ZNF254: variants seen among roughly 807,000 people sequenced by gnomAD.
ZNF254 encodes the protein CTD-2017D11.1.
A neutral mutation model predicts 12.4 loss-of-function variants in ZNF254; 10 were observed. That is an observed-to-expected ratio of 0.80 (90% CI 0.50 to 1.36). The LOEUF is 1.36. Among genes scored for constraint, ZNF254 ranks in the 40% most tolerant of loss-of-function variants. The pLI, the probability that ZNF254 is intolerant of heterozygous loss-of-function variation, is 0.00. For missense variants in ZNF254, 996 were observed against 763.9 expected (o/e 1.30, Z -3.58); for synonymous variants, 305 against 253.4 (o/e 1.20, Z -1.93).
rs536679118 is a variant in ZNF254 at position 24,125,770 on chromosome 19, A to G, written c.254-484A>G. Among the ~76,000 whole-genome samples, 3 of 152,342 alleles carry G rather than the reference A, an allele frequency of 2.0e-5. No individual in the cohort carries two copies. The South Asian group carries it at 6.2e-4, about 32-fold the overall frequency. On this transcript the variant is annotated intron_variant, in intron 3 of 3. Coordinates refer to ENST00000357002, the MANE Select transcript of ZNF254 (RefSeq NM_203282.4). ...ATTTTTCTTTGGTCTCAGCAGACTC[A>G]AACTCTCATTCCAAAATATACCACC...
At chr19:24,045,397 T>C (rs7245605) in intron 1 of ZNF254, among the ~76,000 whole-genome samples, 73,688 of 151,878 alleles carry the variant, frequency 0.49, 18,984 homozygotes, top group African/African-American at 0.67. Context: ...TGGCCGGGCG[T>C]GGTGGCTCAC....
chr19:24,127,246 A>G lies in ZNF254; in HGVS notation c.1246A>G (p.Asn416Asp). 6.2e-7 allele frequency: 1 copy of G among 1,613,254 alleles called. No homozygotes were observed. The change falls in exon 4 of 4, where the codon AAT (asparagine) becomes GAT (aspartate). Residue 416 changes from asparagine (N) to aspartate (D), a missense_variant. Transcript: ENST00000357002. ...ATGTGAAGAATGCGGCAAAGGTTTTAATCGATCTTCAAATCTTACTACACA... is the reference window on the plus strand; with the variant it reads ...ATGTGAAGAATGCGGCAAAGGTTTTGATCGATCTTCAAATCTTACTACACA... ...YKCEECGKGFNRSSNLTTHKI... is the reference protein window; with the variant it reads ...YKCEECGKGFDRSSNLTTHKI...
rs147110481 is a variant in ZNF254, at chr19:24,075,662, G to T, written c.-94+29383G>T. Among the ~76,000 whole-genome samples the T allele has an allele frequency of 5.4e-4, 82 of 152,254 alleles. No individual in the cohort carries two copies. The East Asian group carries it at 0.013, about 25-fold the overall frequency. ...AATTACTAATGAGGTTCCATGTCCCGCTGTGCATGCATTGTCATTGATAAA... is the reference window on the plus strand; with the variant it reads ...AATTACTAATGAGGTTCCATGTCCCTCTGTGCATGCATTGTCATTGATAAA... On this transcript the variant is annotated intron_variant, in intron 2 of 4. Transcript: ENST00000613065.
chr19:24,093,084 CAT>C (rs1972487227), intron 1 of ZNF254, among the ~76,000 whole-genome samples: 2 of 149,112 alleles, frequency 1.3e-5, no homozygotes, highest in South Asian at 2.1e-4. Context: ...GTGTTAGCCA[CAT>C]GTTTGTCTTC....
intron 2 of ZNF254, among the ~76,000 whole-genome samples, chr19:24,047,194 C>G (rs973066742): frequency 6.6e-6 from 1 of 151,582 alleles, no homozygotes; most frequent in Non-Finnish European, 1.5e-5. Flanking sequence ...CTATTTTTTT[C>G]TCCCTTTTTG....
chr19:24,126,616 A>G lies in ZNF254; in HGVS notation c.616A>G (p.Arg206Gly). 2 of 1,607,720 alleles carry G rather than the reference A, an allele frequency of 1.2e-6. No individual in the cohort carries two copies. The highest frequency in any genetic ancestry group is 8.5e-7 in the Non-Finnish European group (1 of 1,178,190). Residue 206 changes from arginine (R) to glycine (G), a missense_variant, in exon 4 of 4, where the codon AGA becomes GGA. By Grantham distance (125) the Arg-to-Gly change is moderately radical. Transcript: ENST00000357002. ...AACCCAACACAAAAGCATTTATCAT[A>G]GAGAGAAGTCCTACAAATGTAAAGA... ...HKTQHKSIYH[R>G]EKSYKCKECG...
At chr19:24,057,321 C>T (rs1970895570) in intron 2 of ZNF254, among the ~76,000 whole-genome samples, 1 of 152,302 alleles carries the variant, frequency 6.6e-6, no homozygotes, top group African/African-American at 2.4e-5. Context: ...GAACATCAGG[C>T]AACAGCTGAG....
intron 1 of ZNF254, chr19:24,104,740 T>A (rs1043996451): frequency 6.6e-6 from 1 of 152,082 alleles, no homozygotes; most frequent in Admixed American, 6.6e-5. Flanking sequence ...TGGAGAGGGG[T>A]GGATACTCAA....
intron 2 of ZNF254, among the ~76,000 whole-genome samples, chr19:24,078,260 A>G (rs1971729640): frequency 1.3e-5 from 2 of 152,186 alleles, no homozygotes; most frequent in South Asian, 2.1e-4. Flanking sequence ...CTGGTCTCCA[A>G]CTGCTGATCT....
intron 3 of ZNF254, among the ~76,000 whole-genome samples, chr19:24,110,659 C>T (rs1054534759): frequency 9.9e-5 from 15 of 152,072 alleles, no homozygotes; most frequent in Non-Finnish European, 1.8e-4. Context: ...AAAACTAAAA[C>T]TCAATATCCC....
chr19:24,071,646 C>G (rs79935512), intron 2 of ZNF254, among the ~76,000 whole-genome samples: 1 of 152,084 alleles, frequency 6.6e-6, no homozygotes, highest in Non-Finnish European at 1.5e-5. Flanking sequence ...TTTTTTTGAC[C>G]TAGCTATAAT....
intron 1 of ZNF254, 89 bp downstream of exon 1, chr19:24,087,426 C>G (rs554481854): frequency 1.7e-5 from 26 of 1,532,272 alleles, no homozygotes; most frequent in Middle Eastern, 1.7e-4. Context: ...AGGCCTCCCC[C>G]CAGTCAGCTC....
intron 3 of ZNF254, among the ~76,000 whole-genome samples, chr19:24,117,423 T>A (rs1974163374): frequency 6.6e-6 from 1 of 152,168 alleles, no homozygotes; most frequent in Non-Finnish European, 1.5e-5. Context: ...CCAGCCTCGC[T>A]GCTGCCTTGC....
intron 2 of ZNF254, among the ~76,000 whole-genome samples, chr19:24,051,207 G>T (rs548396848): frequency 3.2e-4 from 48 of 152,172 alleles, no homozygotes; most frequent in Non-Finnish European, 5.1e-4. Flanking sequence ...GCCCCGGCTG[G>T]AGTGCAGTGG....
chr19:24,106,763 A>C (rs1973367411), intron 3 of ZNF254, 120 bp downstream of exon 3: 1 of 931,652 alleles, frequency 1.1e-6, no homozygotes, highest in Non-Finnish European at 1.5e-6. Flanking sequence ...GGGAAGCCTA[A>C]ATTTTTTTTT....
At chr19:24,112,629 G>A (rs1973759589) in intron 3 of ZNF254, among the ~76,000 whole-genome samples, 1 of 151,428 alleles carries the variant, frequency 6.6e-6, no homozygotes, top group South Asian at 2.1e-4. Flanking sequence ...ATTTCATTGA[G>A]CAGTGGTTTG....
intron 3 of ZNF254, among the ~76,000 whole-genome samples, chr19:24,118,299 G>A (rs529299780): frequency 1.2e-4 from 18 of 151,930 alleles, no homozygotes; most frequent in East Asian, 3.9e-4. Context: ...AAATCCGCCC[G>A]CATCAGCCTC....
chr19:24,044,171 C>T (rs1360179058), intron 1 of ZNF254, among the ~76,000 whole-genome samples: 2 of 149,762 alleles, frequency 1.3e-5, no homozygotes, highest in Non-Finnish European at 3.0e-5. Context: ...ACCCGGGAGG[C>T]GGAGGTTGCA....
At chr19:24,122,676 G>A (rs140821333) in intron 3 of ZNF254, among the ~76,000 whole-genome samples, 350 of 147,802 alleles carry the variant, frequency 2.4e-3, no homozygotes, top group African/African-American at 3.4e-3. Flanking sequence ...TTTATAGTTC[G>A]TACAATATTT....
Sources: gnomAD v4.1 joint callset for allele counts (sites outside exome capture counted in the v4.1 genomes callset) on GRCh38, gnomAD v4.1.1 for gene constraint, MANE v1.5 for transcripts, NCBI Gene and HGNC (gene_info 2026-07-23, HGNC 2026-07-21) for gene names.